DSCAM: variants seen among roughly 807,000 people sequenced by gnomAD.
The protein encoded by DSCAM is cell adhesion molecule DSCAM.
Under a neutral mutation model 217.7 loss-of-function variants are expected in DSCAM, and 47 were observed. The observed-to-expected ratio is 0.22, with a 90% CI of 0.17 to 0.28. DSCAM has a LOEUF of 0.28. Ranked by LOEUF, DSCAM falls within the 10% of genes least tolerant of loss-of-function variation. The pLI, the probability that DSCAM is intolerant of heterozygous loss-of-function variation, is 1.00. For synonymous variants in DSCAM, 1,056 were observed against 1,015.3 expected, an observed-to-expected ratio of 1.04 and a Z score of -0.76; for missense variants, 2,080 against 2,618.3, an observed-to-expected ratio of 0.79 and a Z score of 4.49.
At chr21:40,798,198 C>T (rs9636975) in intron 1 of DSCAM, among the ~76,000 whole-genome samples, 68,260 of 151,526 alleles carry the variant, frequency 0.45, 17,233 homozygotes, top group South Asian at 0.66. Flanking sequence ...CTAAAAACAC[C>T]ACTGCTCCAC....
intron 3 of DSCAM, among the ~76,000 whole-genome samples, chr21:40,487,952 G>A (rs1292432068): frequency 1.3e-5 from 2 of 152,168 alleles, no homozygotes; most frequent in Admixed American, 6.5e-5. Context: ...CACTCTAGAT[G>A]GCACTTCGCA....
rs535182967 is a variant in DSCAM, at chr21:40,114,891, T to A, written c.3696+9304A>T. ...ACCATCTCACACCAGTTAGAATGGC[T>A]ATCATTAAAAAGTCAGGAAACAACA... On this transcript the variant is annotated intron_variant, in intron 20 of 32. Transcript: ENST00000400454. Among the ~76,000 whole-genome samples the A allele has an allele frequency of 3.4e-3, 515 of 152,158 alleles. 4 individuals are homozygous for A. The highest frequency in any genetic ancestry group is 0.011 in the African/African-American group (469 of 41,504).
chr21:40,504,612 G>T (rs148659980), intron 3 of DSCAM, among the ~76,000 whole-genome samples: 8 of 152,172 alleles, frequency 5.3e-5, no homozygotes, highest in African/African-American at 9.7e-5. Flanking sequence ...GATGCGAAAG[G>T]CTCAAATAAT....
At chr21:40,780,939 G>A (rs948634635) in intron 1 of DSCAM, among the ~76,000 whole-genome samples, 25 of 152,118 alleles carry the variant, frequency 1.6e-4, no homozygotes, top group African/African-American at 5.6e-4. Context: ...TATTTCAGGC[G>A]ATTGATGTAG....
intron 3 of DSCAM, among the ~76,000 whole-genome samples, chr21:40,588,999 A>G (rs1482284628): frequency 1.3e-5 from 2 of 152,326 alleles, no homozygotes; most frequent in East Asian, 3.9e-4. Flanking sequence ...TGTATGAAAA[A>G]AAGTAGACTG....
chr21:40,031,663 A>G (rs2088527479), intron 32 of DSCAM, among the ~76,000 whole-genome samples: 2 of 152,170 alleles, frequency 1.3e-5, no homozygotes, highest in South Asian at 4.1e-4. Flanking sequence ...TACACAGCCC[A>G]GTGAGGCCTT....
intron 20 of DSCAM, among the ~76,000 whole-genome samples, chr21:40,106,444 A>G (rs2089822039): frequency 6.6e-6 from 1 of 152,056 alleles, no homozygotes; most frequent in Admixed American, 6.5e-5. Flanking sequence ...TTTTTGTCAT[A>G]TCTCTGCCAG....
intron 9 of DSCAM, among the ~76,000 whole-genome samples, chr21:40,305,713 G>C (rs1230022766): frequency 1.3e-5 from 2 of 150,510 alleles, no homozygotes; most frequent in Non-Finnish European, 3.0e-5. Context: ...TTTCCCCATT[G>C]CTTGTTTTTC....
At chr21:40,651,412 G>A (rs1451236075) in intron 3 of DSCAM, among the ~76,000 whole-genome samples, 1 of 152,174 alleles carries the variant, frequency 6.6e-6, no homozygotes. Flanking sequence ...TTAGGCTCCT[G>A]CAGGCTTTGA....
chr21:40,150,220 T>TATTA (rs1211409374), intron 16 of DSCAM, among the ~76,000 whole-genome samples: 1 of 152,354 alleles, frequency 6.6e-6, no homozygotes, highest in East Asian at 1.9e-4. Context: ...TTGTATTTGG[T>TATTA]ATTAACCGCT....
rs2074955282 is a variant in DSCAM, at chr21:40,376,496, T to TATATATCTTATATAGATATCG, written c.509-7252_509-7251insCGATATCTATATAAGATATAT. On this transcript the variant is annotated intron_variant, in intron 3 of 32. Coordinates refer to ENST00000400454, the MANE Select transcript of DSCAM (RefSeq NM_001389.5). Reference sequence around the variant, plus strand: ...TATCTATATATCTTATATAGATATCTATATATCTTATATCGATATCTATAT... The same window carrying TATATATCTTATATAGATATCG: ...TATCTATATATCTTATATAGATATCTATATATCTTATATAGATATCGATATATCTTATATCGATATCTATAT... 6.4e-5 allele frequency among the ~76,000 whole-genome samples: 7 copies of TATATATCTTATATAGATATCG among 109,858 alleles called. 1 individual carries two copies. Among genetic ancestry groups the TATATATCTTATATAGATATCG allele is most frequent in the Non-Finnish European group, 5.4e-5 (3 of 55,192 alleles). The allele number at this position is 109,858 out of a possible 152,430, so 72.1% of individuals were successfully genotyped here.
chr21:40,448,103 A>G (rs2075689458), intron 3 of DSCAM, among the ~76,000 whole-genome samples: 1 of 152,200 alleles, frequency 6.6e-6, no homozygotes, highest in African/African-American at 2.4e-5. Context: ...ATTGTGTGTG[A>G]TGATTTTGTG....
chr21:40,149,515 C>T (rs1476124913), intron 16 of DSCAM, among the ~76,000 whole-genome samples: 1 of 148,620 alleles, frequency 6.7e-6, no homozygotes, highest in Non-Finnish European at 1.5e-5. Context: ...TCCATCACTC[C>T]ATCACTATCC....
intron 3 of DSCAM, among the ~76,000 whole-genome samples, chr21:40,568,013 C>T (rs1184461570): frequency 6.6e-6 from 1 of 152,156 alleles, no homozygotes; most frequent in Non-Finnish European, 1.5e-5. Flanking sequence ...TCTCCGCTCA[C>T]TGCAACCTCC....
intron 8 of DSCAM, among the ~76,000 whole-genome samples, chr21:40,319,406 A>T (rs1468775184): frequency 6.6e-6 from 1 of 152,180 alleles, no homozygotes; most frequent in Non-Finnish European, 1.5e-5. Context: ...GAGAAAACAA[A>T]CAAGAAAGGC....
intron 3 of DSCAM, among the ~76,000 whole-genome samples, chr21:40,685,292 T>G (rs1188756958): frequency 6.6e-6 from 1 of 152,182 alleles, no homozygotes; most frequent in Non-Finnish European, 1.5e-5. Context: ...TGCAGGACTG[T>G]CCCTTGGCTG....
intron 11 of DSCAM, among the ~76,000 whole-genome samples, chr21:40,229,942 C>T (rs1234161731): frequency 6.6e-6 from 1 of 152,240 alleles, no homozygotes; most frequent in African/African-American, 2.4e-5. Context: ...TATACTTCTG[C>T]ATGCCCACCA....
chr21:40,565,534 C>T (rs1419860513), intron 3 of DSCAM, among the ~76,000 whole-genome samples: 1 of 152,182 alleles, frequency 6.6e-6, no homozygotes, highest in Non-Finnish European at 1.5e-5. Flanking sequence ...TGACATATCA[C>T]ACTTACATTG....
At chr21:40,125,136 G>A (rs923890323) in intron 19 of DSCAM, among the ~76,000 whole-genome samples, 1 of 152,140 alleles carries the variant, frequency 6.6e-6, no homozygotes, top group East Asian at 1.9e-4. Context: ...GATGAATAGG[G>A]ATTATTGGGT....
Sources: gnomAD v4.1 joint callset for allele counts (sites outside exome capture counted in the v4.1 genomes callset) on GRCh38, gnomAD v4.1.1 for gene constraint, MANE v1.5 for transcripts, NCBI Gene and HGNC (gene_info 2026-07-23, HGNC 2026-07-21) for gene names.